Variants in CEP83 observed in about 807,000 individuals in gnomAD.
The protein encoded by CEP83 is centrosomal protein 83, also known as centrosomal protein of 83 kDa.
In CEP83, 70 loss-of-function variants were observed where a neutral mutation model predicts 101.9. The observed-to-expected ratio is 0.69, with a 90% CI of 0.57 to 0.84. The LOEUF is 0.84. Among genes scored for constraint, CEP83 ranks in the 40% least tolerant of loss-of-function variants. CEP83 has a pLI of 0.00. For synonymous variants in CEP83, 264 were observed against 267.9 expected (o/e 0.99, Z 0.14); for missense variants, 715 against 787.2 (o/e 0.91, Z 1.10).
chr12:94,389,843 G>A (rs1272693082), intron 6 of CEP83, among the ~76,000 whole-genome samples: 2 of 152,140 alleles, frequency 1.3e-5, no homozygotes, highest in Non-Finnish European at 2.9e-5. Flanking sequence ...TGGGTCCCAC[G>A]CCCACGGAGC....
chr12:94,329,360 G>A (rs543052314), intron 14 of CEP83, among the ~76,000 whole-genome samples: 1 of 152,098 alleles, frequency 6.6e-6, no homozygotes, highest in Non-Finnish European at 1.5e-5. Flanking sequence ...TTGAACTCCT[G>A]GGCTCAAGCA....
chr12:94,346,322 G>T (rs141073155), intron 11 of CEP83, among the ~76,000 whole-genome samples: 6,882 of 151,894 alleles, frequency 0.045, 225 homozygotes, highest in Middle Eastern at 0.092. Flanking sequence ...CAAAATGCTG[G>T]GATTATAGGC....
intron 11 of CEP83, among the ~76,000 whole-genome samples, chr12:94,338,647 CTG>C (rs925295852): frequency 6.6e-6 from 1 of 151,988 alleles, no homozygotes; most frequent in Non-Finnish European, 1.5e-5. Context: ...ACAGTGGAAA[CTG>C]TTAAAAGTTT....
intron 1 of CEP83, among the ~76,000 whole-genome samples, chr12:94,456,532 G>C (rs2067690728): frequency 6.6e-6 from 1 of 152,194 alleles, no homozygotes; most frequent in Non-Finnish European, 1.5e-5. Flanking sequence ...CACATGGCTG[G>C]AGAGGCGTCA....
At chr12:94,447,558 T>C (rs1198311281) in intron 1 of CEP83, among the ~76,000 whole-genome samples, 5 of 152,196 alleles carry the variant, frequency 3.3e-5, no homozygotes, top group Non-Finnish European at 5.9e-5. Context: ...AAACTGTAAT[T>C]ACATCAGTAA....
the CEP83 span, chr12:94,297,204 A>T: frequency 6.2e-7 from 1 of 1,613,944 alleles, no homozygotes; most frequent in Non-Finnish European, 8.5e-7. Flanking sequence ...GAGTACTCGG[A>T]TGACCACTGC....
chr12:94,294,525 G>A, the CEP83 span: 1 of 1,302,734 alleles, frequency 7.7e-7, no homozygotes, highest in Admixed American at 1.7e-5. Context: ...TAAGAAGATA[G>A]CAAATTTTAC....
intron 1 of CEP83, among the ~76,000 whole-genome samples, chr12:94,444,450 A>G (rs1269033330): frequency 1.3e-5 from 2 of 152,210 alleles, no homozygotes; most frequent in Admixed American, 6.5e-5. Context: ...ATTCTGGAGG[A>G]CAGTCTACTA....
chr12:94,335,633 C>T lies in CEP83; in HGVS notation c.1375G>A (p.Glu459Lys). Residue 459 changes from glutamate to lysine, a missense_variant, in exon 12 of 17, where the codon GAA (glutamate) becomes AAA (lysine). Physicochemically the swap from Glu to Lys is moderately conservative, Grantham distance 56. Transcript: ENST00000397809. ...TCATTTTTTTCCTTCTCTGCATTTT[C>T]AATAGTCACAATTTGTTGCTGAAGT... ...LKLQQQIVTIENAEKEKNENS... is the reference protein window; with the variant it reads ...LKLQQQIVTIKNAEKEKNENS... 6.3e-7 allele frequency: 1 copy of T among 1,585,608 alleles called. No homozygotes were observed. Among genetic ancestry groups the T allele is most frequent in the Non-Finnish European group, 8.6e-7 (1 of 1,165,938 alleles).
rs150064350 is a variant in CEP83, at chr12:94,380,885, G to T, written c.550-1843C>A. ...TTTCCACGTTTTGGGAGGCATCTGT[G>T]TGATAGCTGAAGTGATAGTTGAAGC... is the stretch of plus-strand genomic sequence containing the variant. On this transcript the variant is annotated intron_variant, in intron 6 of 16. Coordinates refer to ENST00000397809, the MANE Select transcript of CEP83 (RefSeq NM_016122.3). 2.2e-3 allele frequency among the ~76,000 whole-genome samples: 328 copies of T among 152,330 alleles called. 1 individual carries two copies. The highest frequency in any genetic ancestry group is 7.4e-3 in the African/African-American group (309 of 41,586).
At chr12:94,334,454 C>A (rs992010339) in intron 12 of CEP83, among the ~76,000 whole-genome samples, 1 of 152,132 alleles carries the variant, frequency 6.6e-6, no homozygotes, top group African/African-American at 2.4e-5. Context: ...ACCTCCCCCA[C>A]AAGCTATTTT....
chr12:94,408,731 C>T (rs142249056), intron 4 of CEP83, among the ~76,000 whole-genome samples: 1 of 152,174 alleles, frequency 6.6e-6, no homozygotes, highest in African/African-American at 2.4e-5. Flanking sequence ...AGGTGCATGC[C>T]ACTATGTCAG....
At position 94,378,608 on chromosome 12, in the gene CEP83, C is replaced by T. The variant is rs1414983191; in HGVS notation, c.801+183G>A. Among the ~76,000 whole-genome samples the T allele has an allele frequency of 2.0e-5, 3 of 152,158 alleles. No homozygotes were observed. The East Asian group carries it at 5.8e-4, about 29-fold the overall frequency. On this transcript the variant is annotated intron_variant, in intron 7 of 16. Coordinates refer to ENST00000397809, the MANE Select transcript of CEP83 (RefSeq NM_016122.3). Reference sequence around the variant, plus strand: ...AAATACCCCTTTGTAAATGTGGTAGCATACGTATTGCTTATGAATCAATAG... The same window carrying T: ...AAATACCCCTTTGTAAATGTGGTAGTATACGTATTGCTTATGAATCAATAG...
At chr12:94,412,853 T>C (rs911266349) in intron 2 of CEP83, among the ~76,000 whole-genome samples, 14 of 150,624 alleles carry the variant, frequency 9.3e-5, no homozygotes, top group African/African-American at 3.2e-4. Flanking sequence ...CATACCCGGC[T>C]AATTTTTTTT....
At chr12:94,398,062 G>A (rs965824649) in intron 6 of CEP83, among the ~76,000 whole-genome samples, 1 of 152,194 alleles carries the variant, frequency 6.6e-6, no homozygotes, top group African/African-American at 2.4e-5. Flanking sequence ...GTGGGTTTGA[G>A]GGTCTGGGTG....
chr12:94,403,226 G>T lies in CEP83; in HGVS notation c.361C>A (p.Gln121Lys). 6.3e-7 allele frequency: 1 copy of T among 1,581,938 alleles called. No homozygotes were observed. The highest frequency in any genetic ancestry group is 8.7e-7 in the Non-Finnish European group (1 of 1,152,334). Residue 121 changes from glutamine to lysine, a missense_variant, in exon 5 of 17, where the codon CAA becomes AAA. Transcript: ENST00000397809. ...TPQKLELLRA[Q>K]IQQELETPMR... is the part of the protein sequence containing the mutation. ...GGAGTTTCTAATTCTTGTTGTATTT[G>T]GGCTCTTAGCAATTCCAATTTTTGT...
chr12:94,314,395 G>T (rs1360923676), intron 14 of CEP83, among the ~76,000 whole-genome samples: 1 of 152,140 alleles, frequency 6.6e-6, no homozygotes, highest in Non-Finnish European at 1.5e-5. Flanking sequence ...CTCTGAAAGG[G>T]TAACCAACTA....
rs548253437 is a variant in CEP83, at chr12:94,425,017, G to C, written c.-102+10258C>G. On this transcript the variant is annotated intron_variant, in intron 2 of 16. Transcript: ENST00000397809. Reference sequence around the variant, plus strand: ...AGTGAGAGAGAGAGAGAGAGAGAAAGGGAGGGGGTAAGAAAGACGGGGAGG... The same window carrying C: ...AGTGAGAGAGAGAGAGAGAGAGAAACGGAGGGGGTAAGAAAGACGGGGAGG... The C allele has an allele frequency of 7.5e-4, 1,073 of 1,422,370 alleles. 7 individuals carry two copies. In the African/African-American group the frequency reaches 0.014, roughly 19 times the overall value. The allele number at this position is 1,422,370 out of a possible 1,614,324, so 88.1% of individuals were successfully genotyped here.
chr12:94,421,406 C>G (rs1232399311), intron 2 of CEP83, among the ~76,000 whole-genome samples: 1 of 152,004 alleles, frequency 6.6e-6, no homozygotes, highest in Non-Finnish European at 1.5e-5. Flanking sequence ...GAGAGTAATT[C>G]AAAAATTGGG....
Sources: allele counts gnomAD v4.1 joint callset (sites outside exome capture counted in the v4.1 genomes callset), GRCh38; gene constraint gnomAD v4.1.1; transcripts MANE v1.5; gene names NCBI Gene and HGNC (gene_info 2026-07-23, HGNC 2026-07-21).